The following LYPD6B variants were observed in gnomAD, a reference collection of about 807,000 sequenced individuals.
The protein encoded by LYPD6B is ly6/PLAUR domain-containing protein 6B.
LYPD6B carries 17 observed loss-of-function variants against 22.8 expected under a neutral mutation model. That is an observed-to-expected ratio of 0.75 (90% confidence interval 0.51 to 1.12). The LOEUF is 1.12. Among genes scored for constraint, LYPD6B ranks in the 50% most tolerant of loss-of-function variants. The pLI is 0.00. For missense variants in LYPD6B, 221 were observed against 258.3 expected (o/e 0.86, Z 0.99); for synonymous variants, 106 against 91.6 (o/e 1.16, Z -0.90).
chr2:149,145,030 T>C (rs1037773699), intron 2 of LYPD6B, among the ~76,000 whole-genome samples: 1 of 152,194 alleles, frequency 6.6e-6, no homozygotes, highest in African/African-American at 2.4e-5. Flanking sequence ...TACAGATTCA[T>C]ATGTGCATAT....
intron 1 of LYPD6B, among the ~76,000 whole-genome samples, chr2:149,094,005 A>C (rs1032026009): frequency 6.6e-6 from 1 of 152,172 alleles, no homozygotes. Context: ...ATGTATTCCA[A>C]TAGAATATGA....
At chr2:149,176,762 T>C (rs890629004) in intron 3 of LYPD6B, among the ~76,000 whole-genome samples, 1 of 152,226 alleles carries the variant, frequency 6.6e-6, no homozygotes, top group African/African-American at 2.4e-5. Context: ...GCCATCTATA[T>C]GCTAGCATGG....
intron 1 of LYPD6B, among the ~76,000 whole-genome samples, chr2:149,066,112 G>T (rs1684314251): frequency 6.6e-6 from 1 of 151,816 alleles, no homozygotes; most frequent in Admixed American, 6.6e-5. Context: ...CTACCCATTT[G>T]TGTCTTGTGT....
intron 2 of LYPD6B, chr2:149,142,006 A>C (rs1688723333): frequency 6.6e-6 from 1 of 152,224 alleles, no homozygotes; most frequent in African/African-American, 2.4e-5. Context: ...CTGTACGGTT[A>C]TAATAGTTAA....
At chr2:149,100,867 T>A (rs1264069823) in intron 1 of LYPD6B, among the ~76,000 whole-genome samples, 5 of 152,140 alleles carry the variant, frequency 3.3e-5, no homozygotes, top group African/African-American at 1.2e-4. Context: ...CAAAACAAAT[T>A]TTTAAAAATC....
At chr2:149,131,779 T>A (rs1178074589) in intron 2 of LYPD6B, among the ~76,000 whole-genome samples, 1 of 152,104 alleles carries the variant, frequency 6.6e-6, no homozygotes, top group East Asian at 1.9e-4. Flanking sequence ...AGAGTCACAA[T>A]GAAAATTTCC....
intron 1 of LYPD6B, among the ~76,000 whole-genome samples, chr2:149,052,750 A>T (rs12478630): frequency 0.23 from 34,584 of 152,164 alleles, 4,031 homozygotes; most frequent in South Asian, 0.29. Flanking sequence ...GTGCTTTTTG[A>T]GTCCCCTTCT....
In LYPD6B at chr2:149,212,380, C is replaced by CAAAAAAAA. The variant is rs386391473; in HGVS notation, c.329-595_329-588dup. Among the ~76,000 whole-genome samples the CAAAAAAAA allele has an allele frequency of 5.2e-3, 311 of 60,112 alleles. 32 individuals are homozygous for CAAAAAAAA. Among genetic ancestry groups the CAAAAAAAA allele is most frequent in the Non-Finnish European group, 6.9e-3 (248 of 36,156 alleles). 39.4% of individuals were successfully genotyped at this position (60,112 alleles called of 152,430 possible). A position where few individuals can be genotyped will look rare whatever the true frequency, so the allele number is the denominator to read the frequency against. ...CTGGGGACAGAGTAAGACTCCGTCT[C>CAAAAAAAA]AAAAAAAAAAAAAAAAAAAAAAAAG... On this transcript the variant is annotated intron_variant, in intron 5 of 6. Transcript: ENST00000409642.
chr2:149,068,836 A>C, intron 1 of LYPD6B: 1 of 410,466 alleles, frequency 2.4e-6, no homozygotes, highest in South Asian at 2.1e-5. Flanking sequence ...CTGAGAAGTC[A>C]ACTACTCCAG....
intron 1 of LYPD6B, among the ~76,000 whole-genome samples, chr2:149,066,351 GGT>G (rs1043744897): frequency 7.8e-6 from 1 of 128,522 alleles, no homozygotes; most frequent in Non-Finnish European, 1.6e-5. Context: ...AACAGGCCCC[GGT>G]GTGTGATGTT....
chr2:149,051,739 C>T (rs796622315), intron 1 of LYPD6B, among the ~76,000 whole-genome samples: 2 of 151,994 alleles, frequency 1.3e-5, no homozygotes, highest in East Asian at 3.9e-4. Flanking sequence ...AATCTTGGCT[C>T]ACTGCAACCT....
intron 1 of LYPD6B, among the ~76,000 whole-genome samples, chr2:149,119,611 G>A (rs985829242): frequency 3.3e-5 from 5 of 152,192 alleles, no homozygotes; most frequent in Admixed American, 1.3e-4. Flanking sequence ...GGGCCCGTAG[G>A]CACCAGCAGC....
chr2:149,118,911 C>T (rs1172974714), intron 1 of LYPD6B, among the ~76,000 whole-genome samples: 3 of 151,998 alleles, frequency 2.0e-5, no homozygotes, highest in Non-Finnish European at 2.9e-5. Flanking sequence ...AGTTGAAAAG[C>T]GGTAGAGTTG....
chr2:149,150,630 T>G (rs1246083105), intron 2 of LYPD6B, among the ~76,000 whole-genome samples: 3 of 152,208 alleles, frequency 2.0e-5, no homozygotes, highest in Admixed American at 1.3e-4. Flanking sequence ...TTTTCTCTGG[T>G]TCTGAAATTT....
intron 3 of LYPD6B, among the ~76,000 whole-genome samples, chr2:149,202,248 A>C (rs934646620): frequency 6.6e-6 from 1 of 152,158 alleles, no homozygotes; most frequent in African/African-American, 2.4e-5. Context: ...AAATTCAAAA[A>C]TTTCTTGATT....
intron 1 of LYPD6B, among the ~76,000 whole-genome samples, chr2:149,073,348 AG>A (rs1574916995): frequency 1.3e-5 from 2 of 152,322 alleles, no homozygotes; most frequent in East Asian, 3.9e-4. Context: ...CCTGAGTGAG[AG>A]AAGGCATGTG....
At chr2:149,185,123 C>A (rs1483113649) in intron 3 of LYPD6B, among the ~76,000 whole-genome samples, 1 of 152,200 alleles carries the variant, frequency 6.6e-6, no homozygotes, top group Non-Finnish European at 1.5e-5. Flanking sequence ...TACACATATT[C>A]TTCTTCCTGT....
At position 149,154,074 on chromosome 2, in the gene LYPD6B, A is replaced by T. The variant is rs1689543120; in HGVS notation, c.6-6690A>T. ...AAGATGGAGTTTTGTGGTAAAGATG[A>T]TGTCTTCTCATTTTGAATATTATAG... On this transcript the variant is annotated intron_variant, in intron 2 of 6. Coordinates refer to ENST00000409642, the MANE Select transcript of LYPD6B (RefSeq NM_177964.5). The T allele has an allele frequency of 3.1e-6, 3 of 952,800 alleles. No individual in the cohort carries two copies. In the African/African-American group the frequency reaches 5.3e-5, roughly 17 times the overall value. 59.0% of individuals were successfully genotyped at this position (952,800 alleles called of 1,614,324 possible). A position where few individuals can be genotyped will look rare whatever the true frequency, so the allele number is the denominator to read the frequency against.
In LYPD6B at chr2:149,213,092, T is replaced by A. The variant is rs1195450738; in HGVS notation, c.429T>A (p.Gly143=). The change falls in exon 6 of 7, where the codon GGT becomes GGA. Residue 143 remains glycine (G), a synonymous_variant. Coordinates refer to ENST00000409642, the MANE Select transcript of LYPD6B (RefSeq NM_177964.5). ...CASRSECHFV[G]CHHSRDSEHT... ...CCAGAAGTGAATGTCATTTTGTCGGTTGCCACCACAGCCGAGATTCTGAAC... is the reference window on the plus strand; with the variant it reads ...CCAGAAGTGAATGTCATTTTGTCGGATGCCACCACAGCCGAGATTCTGAAC... The A allele has an allele frequency of 1.2e-6, 2 of 1,613,870 alleles. No homozygotes were observed. The highest frequency in any genetic ancestry group is 1.7e-6 in the Non-Finnish European group (2 of 1,179,876).
Sources: gnomAD v4.1 joint callset for allele counts (sites outside exome capture counted in the v4.1 genomes callset) on GRCh38, gnomAD v4.1.1 for gene constraint, MANE v1.5 for transcripts, NCBI Gene and HGNC (gene_info 2026-07-23, HGNC 2026-07-21) for gene names.